DNAJA1: variants seen among roughly 807,000 people sequenced by gnomAD.
DNAJA1 encodes the protein dnaJ homolog subfamily A member 1.
DNAJA1 carries 26 observed loss-of-function variants against 47.6 expected under a neutral mutation model. The ratio of observed to expected loss-of-function variants is 0.55; its 90% CI spans 0.40 to 0.76. The LOEUF (loss-of-function observed/expected upper bound fraction) is 0.76. Among genes scored for constraint, DNAJA1 ranks in the 30% least tolerant of loss-of-function variants. DNAJA1 has a pLI of 0.00. For missense variants in DNAJA1, 315 were observed against 485.0 expected, an observed-to-expected ratio of 0.65 and a Z score of 3.29; for synonymous variants, 165 against 158.4, an observed-to-expected ratio of 1.04 and a Z score of -0.31.
chr9:33,036,632 T>C lies in DNAJA1; in HGVS notation c.817T>C (p.Phe273Leu). 6.2e-7 allele frequency: 1 copy of C among 1,614,136 alleles called. No individual in the cohort carries two copies. Among genetic ancestry groups the C allele is most frequent in the Non-Finnish European group, 8.5e-7 (1 of 1,179,998 alleles). ...ACAGCTCGTTGAAGCACTGTGTGGC[T>C]TCCAGAAGCCAATATCTACTCTTGA... is the stretch of plus-strand genomic sequence containing the variant. ...DIQLVEALCG[F>L]QKPISTLDNR... Residue 273 changes from phenylalanine (F) to leucine (L), a missense_variant, in exon 7 of 9, where the codon TTC becomes CTC. Phe to Leu is a conservative substitution (Grantham distance 22, BLOSUM62 0). Around this residue, in one of 4 missense-constraint regions of DNAJA1, gnomAD observed 162 missense variants for 185.4 expected, o/e 0.87. Transcript: ENST00000330899.
At position 33,039,536 on chromosome 9, in the gene DNAJA1, C is replaced by CATACATATATATATATATATATAT. The variant is rs1839087244; in HGVS notation, c.*636_*637insCATATATATATATATATATATATA. ...TTGTGTTTCCTTCTGCTGTGCCATTCATATATATATACATATATATATATA... is the reference window on the plus strand; with the variant it reads ...TTGTGTTTCCTTCTGCTGTGCCATTCATACATATATATATATATATATATATATATATATACATATATATATATA... On this transcript the variant is annotated 3_prime_UTR_variant, in exon 9 of 9. Transcript: ENST00000330899. 8.8e-6 allele frequency: 1 copy of CATACATATATATATATATATATAT among 113,884 alleles called. No homozygotes were observed. The highest frequency in any genetic ancestry group is 2.1e-5 in the Non-Finnish European group (1 of 47,692). 7.1% of individuals were successfully genotyped at this position (113,884 alleles called of 1,614,324 possible). A position where few individuals can be genotyped will look rare whatever the true frequency, so the allele number is the denominator to read the frequency against.
chr9:33,029,950 C>G lies in DNAJA1; in HGVS notation c.376C>G (p.Leu126Val), dbSNP rs1838934117. ...EDLYNGATRK[L>V]ALQKNVICDK... Reference sequence around the variant, plus strand: ...CTTATATAATGGTGCAACAAGAAAACTGGCTCTGCAAAAGAATGTGATTTG... The same window carrying G: ...CTTATATAATGGTGCAACAAGAAAAGTGGCTCTGCAAAAGAATGTGATTTG... Residue 126 changes from leucine to valine, a missense_variant, in exon 4 of 9, where the codon CTG (leucine) becomes GTG (valine). Leu to Val is a conservative substitution (Grantham distance 32, BLOSUM62 1). Around this residue, in one of 4 missense-constraint regions of DNAJA1, gnomAD observed 100 missense variants for 163.0 expected, o/e 0.61. Coordinates refer to ENST00000330899, the MANE Select transcript of DNAJA1 (RefSeq NM_001539.4). 2 of 1,613,514 alleles carry G rather than the reference C, an allele frequency of 1.2e-6. No homozygotes were observed. The highest frequency in any genetic ancestry group is 8.5e-7 in the Non-Finnish European group (1 of 1,179,848).
At position 33,037,126 on chromosome 9, in the gene DNAJA1, A is replaced by G; in HGVS notation, c.975+11A>G. On this transcript the variant is annotated intron_variant, in intron 8 of 8. Transcript: ENST00000330899. The stretch of plus-strand genomic sequence containing the variant: ...ATCATCGAATTTAAGGTAAGCTGTA[A>G]TGTACTTTAAGAATACTTGAGAACA... 2 of 1,607,464 alleles carry G rather than the reference A, an allele frequency of 1.2e-6. No individual in the cohort carries two copies. Among genetic ancestry groups the G allele is most frequent in the African/African-American group, 1.3e-5 (1 of 74,734 alleles).
At chr9:33,028,651 C>T (rs541391796) in intron 3 of DNAJA1, among the ~76,000 whole-genome samples, 39 of 152,308 alleles carry the variant, frequency 2.6e-4, no homozygotes, top group African/African-American at 9.1e-4. Context: ...TGGTTTTTCA[C>T]TTACCTTACA....
chr9:33,034,398 T>G, intron 6 of DNAJA1, 68 bp downstream of exon 6: 1 of 1,252,958 alleles, frequency 8.0e-7, no homozygotes, highest in Non-Finnish European at 1.1e-6. Context: ...TTTTTTGTTT[T>G]TTTGTTTTTT....
At chr9:33,037,571 A>G (rs1839056215) in intron 8 of DNAJA1, among the ~76,000 whole-genome samples, 1 of 152,086 alleles carries the variant, frequency 6.6e-6, no homozygotes, top group Admixed American at 6.6e-5. Context: ...AGTCCCAGCT[A>G]CTCGGGAGGC....
chr9:33,028,924 G>GT (rs1222103636), intron 3 of DNAJA1, among the ~76,000 whole-genome samples: 1 of 152,238 alleles, frequency 6.6e-6, no homozygotes, highest in African/African-American at 2.4e-5. Context: ...ACAGAAACGA[G>GT]TTTGAGAACT....
At chr9:33,027,634 A>C (rs1564011817) in intron 3 of DNAJA1, among the ~76,000 whole-genome samples, 1 of 151,732 alleles carries the variant, frequency 6.6e-6, no homozygotes, top group Non-Finnish European at 1.5e-5. Context: ...TGGGTGGATC[A>C]CTGAGGTCAG....
intron 6 of DNAJA1, among the ~76,000 whole-genome samples, chr9:33,035,938 A>G (rs1416090176): frequency 1.3e-5 from 2 of 152,166 alleles, no homozygotes; most frequent in East Asian, 3.9e-4. Context: ...AATTGGACAT[A>G]TCCTCATTGT....
intron 1 of DNAJA1, 38 bp from the exon 2 acceptor site, chr9:33,026,437 A>T: frequency 6.3e-7 from 1 of 1,576,916 alleles, no homozygotes; most frequent in Non-Finnish European, 8.6e-7. Context: ...AAAAGCTACC[A>T]GTTGAAAGCC....
Position 33,039,021 on chromosome 9 carries a change from G to GC in DNAJA1, c.*118_*119insC. The GC allele has an allele frequency of 9.6e-7, 1 of 1,039,226 alleles. No homozygotes were observed. Among genetic ancestry groups the GC allele is most frequent in the South Asian group, 1.6e-5 (1 of 63,686 alleles). 64.4% of individuals were successfully genotyped at this position (1,039,226 alleles called of 1,614,324 possible). On this transcript the variant is annotated 3_prime_UTR_variant, in exon 9 of 9. Transcript: ENST00000330899. ...GTTTTTGTTTTAATAAACTATAGTA[G>GC]TGTTTTAAAAAGTTAAATGAAGAAT...
At chr9:33,033,998 C>CAGCTCTGAGATTTGAAGGCT (rs1838999335) in intron 5 of DNAJA1, among the ~76,000 whole-genome samples, 1 of 152,164 alleles carries the variant, frequency 6.6e-6, no homozygotes, top group Non-Finnish European at 1.5e-5. Flanking sequence ...CAGTGAATAG[C>CAGCTCTGAGATTTGAAGGCT]AGCTCTGAGA....
At chr9:33,028,821 G>A (rs879469888) in intron 3 of DNAJA1, among the ~76,000 whole-genome samples, 1 of 152,178 alleles carries the variant, frequency 6.6e-6, no homozygotes, top group Non-Finnish European at 1.5e-5. Flanking sequence ...ATTTTAGCGT[G>A]CCAAAACTAA....
In DNAJA1 at chr9:33,039,019, T is replaced by G; in HGVS notation, c.*116T>G. 1.9e-6 allele frequency: 2 copies of G among 1,045,890 alleles called. No homozygotes were observed. The highest frequency in any genetic ancestry group is 3.1e-5 in the South Asian group (2 of 64,216). 64.8% of individuals were successfully genotyped at this position (1,045,890 alleles called of 1,614,324 possible). On this transcript the variant is annotated 3_prime_UTR_variant, in exon 9 of 9. Transcript: ENST00000330899. ...TTGTTTTTGTTTTAATAAACTATAG[T>G]AGTGTTTTAAAAAGTTAAATGAAGA...
chr9:33,026,706 T>C (rs1156808577), intron 2 of DNAJA1, 90 bp downstream of exon 2: 103 of 1,565,518 alleles, frequency 6.6e-5, no homozygotes, highest in Non-Finnish European at 5.4e-5. Flanking sequence ...GTATCTAATA[T>C]AGTAACTATG....
At chr9:33,036,711 A>T in intron 7 of DNAJA1, 22 bp downstream of exon 7, 1 of 1,548,462 alleles carries the variant, frequency 6.5e-7, no homozygotes, top group Non-Finnish European at 8.9e-7. Flanking sequence ...AGGCAAGCTT[A>T]AACTTCTCTT....
chr9:33,029,758 G>A, intron 3 of DNAJA1, 127 bp from the exon 4 acceptor site: 1 of 628,130 alleles, frequency 1.6e-6, no homozygotes, highest in Non-Finnish European at 2.7e-6. Context: ...TATATAGTAG[G>A]TAGTCAACAG....
chr9:33,036,676 C>T lies in DNAJA1; in HGVS notation c.861C>T (p.Ile287=), dbSNP rs779611703. ...ISTLDNRTIV[I]TSHPGQIVKH... ...CTCTTGACAACCGAACCATCGTCAT[C>T]ACCTCTCATCCAGGTATGGGAACTA... The change falls in exon 7 of 9, where the codon ATC becomes ATT. Residue 287 remains isoleucine (I), a synonymous_variant. Transcript: ENST00000330899. 6.2e-7 allele frequency: 1 copy of T among 1,612,624 alleles called. No individual in the cohort carries two copies. Among genetic ancestry groups the T allele is most frequent in the Non-Finnish European group, 8.5e-7 (1 of 1,179,090 alleles).
At chr9:33,035,239 T>C (rs1412631773) in intron 6 of DNAJA1, among the ~76,000 whole-genome samples, 3 of 151,816 alleles carry the variant, frequency 2.0e-5, no homozygotes, top group Non-Finnish European at 4.4e-5. Flanking sequence ...ATTAAAAAAT[T>C]AGCCAGGCAT....
Sources: allele counts gnomAD v4.1 joint callset (sites outside exome capture counted in the v4.1 genomes callset), GRCh38; gene constraint gnomAD v4.1.1; regional missense constraint gnomAD v4.1.1; transcripts MANE v1.5; gene names NCBI Gene and HGNC (gene_info 2026-07-23, HGNC 2026-07-21).